The following MYH3 variants were observed in gnomAD, a reference collection of about 807,000 sequenced individuals.
The protein encoded by MYH3 is myosin-3.
Under a neutral mutation model 238.0 loss-of-function variants are expected in MYH3, and 130 were observed. The observed-to-expected ratio is 0.55, with a 90% confidence interval of 0.47 to 0.63. The LOEUF (loss-of-function observed/expected upper bound fraction) is 0.63. MYH3 is among the 30% of genes least tolerant of loss of function. MYH3 has a pLI of 0.00. For synonymous variants in MYH3, 880 were observed against 924.1 expected (o/e 0.95, Z 0.86); for missense variants, 1,853 against 2,374.9 (o/e 0.78, Z 4.57).
the MYH3 span, among the ~76,000 whole-genome samples, chr17:10,664,846 CAA>C: frequency 1.3e-5 from 2 of 151,866 alleles, no homozygotes; most frequent in African/African-American, 4.8e-5. Flanking sequence ...ATTCCAAGGA[CAA>C]AAAAAGGAGG....
chr17:10,675,168 T>C, the MYH3 span: 1 of 152,226 alleles, frequency 6.6e-6, no homozygotes, highest in African/African-American at 2.4e-5. Context: ...CAACTGAGGG[T>C]GAGAAGACAC....
At chr17:10,635,097 G>T in intron 30 of MYH3, 74 bp from the exon 31 acceptor site, 2 of 1,495,720 alleles carry the variant, frequency 1.3e-6, no homozygotes, top group South Asian at 2.3e-5. Context: ...CATCAAGTTG[G>T]AATCACTAAT....
chr17:10,668,126 G>A, the MYH3 span, among the ~76,000 whole-genome samples: 3 of 152,208 alleles, frequency 2.0e-5, no homozygotes, highest in African/African-American at 2.4e-5. Flanking sequence ...TGGGTGCGGC[G>A]GCTCACGCCT....
Position 10,630,465 on chromosome 17 carries a change from A to T in MYH3, c.5287-7T>A. 1 of 1,614,148 alleles carries T rather than the reference A, an allele frequency of 6.2e-7. No individual in the cohort carries two copies. ...CCTCCGCCATCATGGCAGCCTGAAA[A>T]GCACATGGGACTTGCTAGGATGCAG... On this transcript the variant is annotated splice_polypyrimidine_tract_variant and splice_region_variant and intron_variant, in intron 36 of 40. Coordinates refer to ENST00000583535, the MANE Select transcript of MYH3 (RefSeq NM_002470.4).
At chr17:10,675,597 C>T in the MYH3 span, 4 of 152,196 alleles carry the variant, frequency 2.6e-5, no homozygotes, top group African/African-American at 2.4e-5. Context: ...TCTCCTGGCA[C>T]CCCCTTCTGA....
rs2074314763 is a variant in MYH3, at chr17:10,645,739, C to T, written c.1109G>A (p.Arg370Gln). ...GCCATCCGGCTCGGCCTGCTCCTCTCGCTGCTTCTGCTTGAACTTCATGTT... is the reference window on the plus strand; with the variant it reads ...GCCATCCGGCTCGGCCTGCTCCTCTTGCTGCTTCTGCTTGAACTTCATGTT... ...YGNMKFKQKQREEQAEPDGTE... is the reference protein window; with the variant it reads ...YGNMKFKQKQQEEQAEPDGTE... The change falls in exon 12 of 41, where the codon CGA becomes CAA. Residue 370 changes from arginine (R) to glutamine (Q), a missense_variant. Physicochemically the swap from Arg to Gln is conservative, Grantham distance 43. Around this residue, in one of 3 missense-constraint regions of MYH3, gnomAD observed 678 missense variants for 1,058.9 expected, o/e 0.64. Coordinates refer to ENST00000583535, the MANE Select transcript of MYH3 (RefSeq NM_002470.4). 1 of 1,613,446 alleles carries T rather than the reference C, an allele frequency of 6.2e-7. No homozygotes were observed. Among genetic ancestry groups the T allele is most frequent in the Non-Finnish European group, 8.5e-7 (1 of 1,180,004 alleles).
At position 10,632,024 on chromosome 17, in the gene MYH3, G is replaced by C. The variant is rs1312434278; in HGVS notation, c.4957-8C>G. The C allele has an allele frequency of 6.2e-7, 1 of 1,612,676 alleles. No individual in the cohort carries two copies. Among genetic ancestry groups the C allele is most frequent in the Non-Finnish European group, 8.5e-7 (1 of 1,179,970 alleles). On this transcript the variant is annotated splice_region_variant and splice_polypyrimidine_tract_variant and intron_variant, in intron 34 of 40. Transcript: ENST00000583535. ...CAGGTGGAGCTGCGTATCCTAGCCA[G>C]AGAAAAACGAACATTCTATTTGAAG...
chr17:10,640,962 G>A lies in MYH3; in HGVS notation c.2165+123C>T, dbSNP rs933645904. On this transcript the variant is annotated intron_variant, in intron 19 of 40. Coordinates refer to ENST00000583535, the MANE Select transcript of MYH3 (RefSeq NM_002470.4). The stretch of plus-strand genomic sequence containing the variant: ...ACTTGGCCAAATGGTAGATTGTTCA[G>A]TTTACATGGAGGTCCATATCTGTTC... The A allele has an allele frequency of 5.3e-6, 5 of 936,058 alleles. No individual in the cohort carries two copies. The Admixed American group carries it at 8.5e-5, about 16-fold the overall frequency. 58.0% of individuals were successfully genotyped at this position (936,058 alleles called of 1,614,324 possible). A position where few individuals can be genotyped will look rare whatever the true frequency, so the allele number is the denominator to read the frequency against.
chr17:10,652,690 C>T lies in MYH3; in HGVS notation c.205-127G>A, dbSNP rs181736541. The T allele has an allele frequency of 7.0e-3, 7,181 of 1,031,286 alleles. 64 individuals are homozygous for T. The highest frequency in any genetic ancestry group is 0.03 in the African/African-American group (1,730 of 58,026). 63.9% of individuals were successfully genotyped at this position (1,031,286 alleles called of 1,614,324 possible). The stretch of plus-strand genomic sequence containing the variant: ...AGGCTGGAGTGCAGTGATGCGATCT[C>T]GGCTCACTGCAAGCTCCACCTCCCG... On this transcript the variant is annotated intron_variant, in intron 3 of 40. Transcript: ENST00000583535.
Position 10,640,399 on chromosome 17 carries a change from G to A in MYH3, c.2360C>T (p.Thr787Ile), listed in dbSNP as rs1450198236. 6.2e-7 allele frequency: 1 copy of A among 1,614,228 alleles called. No homozygotes were observed. The highest frequency in any genetic ancestry group is 8.5e-7 in the Non-Finnish European group (1 of 1,180,044). ...CCCTCTGCACACAGCTTGTGTCCGG[G>A]TGATTAGTTTGGCCAGGCGGTCATC... ...MRDDRLAKLI[T>I]RTQAVCRGFL... Residue 787 changes from threonine (T) to isoleucine (I), a missense_variant, in exon 21 of 41, where the codon ACC (threonine) becomes ATC (isoleucine). Transcript: ENST00000583535.
intron 7 of MYH3, 129 bp downstream of exon 7, chr17:10,649,448 A>G (rs2074354559): frequency 1.3e-6 from 1 of 797,308 alleles, no homozygotes; most frequent in Admixed American, 1.9e-5. Context: ...GTCCTTCAAG[A>G]TAGTAAATCC....
intron 5 of MYH3, 148 bp downstream of exon 5, chr17:10,651,364 C>A: frequency 7.0e-7 from 1 of 1,421,872 alleles, no homozygotes; most frequent in South Asian, 1.2e-5. Flanking sequence ...CTACATGATG[C>A]AGCCCCTTTC....
chr17:10,651,413 A>G (rs930445664), intron 5 of MYH3, 99 bp downstream of exon 5: 6 of 1,595,354 alleles, frequency 3.8e-6, no homozygotes, highest in South Asian at 1.1e-5. Context: ...TCCCTGTGCT[A>G]AACACCAGAT....
chr17:10,651,471 T>C, intron 5 of MYH3, 41 bp downstream of exon 5: 2 of 1,612,092 alleles, frequency 1.2e-6, no homozygotes, highest in Middle Eastern at 2.0e-4. Flanking sequence ...CCTCATGCAG[T>C]GCCTGCTCCA....
At chr17:10,636,778 T>G (rs55980976) in intron 28 of MYH3, among the ~76,000 whole-genome samples, 100,094 of 151,622 alleles carry the variant, frequency 0.66, 34,054 homozygotes, top group Non-Finnish European at 0.76. Context: ...GCCGTGTGTG[T>G]TGGCATGCGT....
rs760593973 is a variant in MYH3, at chr17:10,644,621, C to A, written c.1223G>T (p.Gly408Val). ...TTGACCTTTGGTAACGTACTCATTCCCAACTTTCACTCTAGGAAAGCACAA... is the reference window on the plus strand; with the variant it reads ...TTGACCTTTGGTAACGTACTCATTCACAACTTTCACTCTAGGAAAGCACAA... ...KALCFPRVKVGNEYVTKGQTV... is the reference protein window; with the variant it reads ...KALCFPRVKVVNEYVTKGQTV... Residue 408 changes from glycine (G) to valine (V), a missense_variant, in exon 13 of 41, where the codon GGG becomes GTG. Physicochemically the swap from Gly to Val is moderately radical, Grantham distance 109. Around this residue, in one of 3 missense-constraint regions of MYH3, gnomAD observed 678 missense variants for 1,058.9 expected, o/e 0.64. Transcript: ENST00000583535. The A allele has an allele frequency of 6.2e-7, 1 of 1,614,174 alleles. No individual in the cohort carries two copies. The highest frequency in any genetic ancestry group is 8.5e-7 in the Non-Finnish European group (1 of 1,180,036).
intron 6 of MYH3, among the ~76,000 whole-genome samples, 167 bp downstream of exon 6, chr17:10,650,207 A>G (rs2142420057): frequency 6.6e-6 from 1 of 152,050 alleles, no homozygotes; most frequent in Middle Eastern, 3.4e-3. Context: ...GATCTCCTGG[A>G]CCTCGTGATC....
chr17:10,633,263 TG>T (rs1170691676), intron 33 of MYH3, among the ~76,000 whole-genome samples: 1 of 152,256 alleles, frequency 6.6e-6, no homozygotes, highest in East Asian at 1.9e-4. Flanking sequence ...CATTGCTTTT[TG>T]GTTTTGATTA....
At chr17:10,664,858 G>A in the MYH3 span, among the ~76,000 whole-genome samples, 1 of 152,168 alleles carries the variant, frequency 6.6e-6, no homozygotes, top group Non-Finnish European at 1.5e-5. Flanking sequence ...AAAAAAGGAG[G>A]CAGGCATGGC....
Sources: allele counts gnomAD v4.1 joint callset (sites outside exome capture counted in the v4.1 genomes callset), GRCh38; gene constraint gnomAD v4.1.1; regional missense constraint gnomAD v4.1.1; transcripts MANE v1.5; gene names NCBI Gene and HGNC (gene_info 2026-07-23, HGNC 2026-07-21).